Variants in PCDHA13 observed in about 807,000 individuals in gnomAD.
PCDHA13 encodes protocadherin alpha-13.
A neutral mutation model predicts 64.8 loss-of-function variants in PCDHA13; 54 were observed. That is an observed-to-expected ratio of 0.83 (90% CI 0.67 to 1.04). The LOEUF (loss-of-function observed/expected upper bound fraction) is 1.04. Among genes scored for constraint, PCDHA13 ranks in the 50% least tolerant of loss-of-function variants. The pLI is 0.00. For missense variants in PCDHA13, 1,248 were observed against 1,254.3 expected (o/e 0.99, Z 0.08); for synonymous variants, 587 against 564.4 (o/e 1.04, Z -0.57).
At chr5:140,969,363 C>G (rs367871893) in intron 1 of PCDHA13, 4 of 1,610,614 alleles carry the variant, frequency 2.5e-6, no homozygotes, top group East Asian at 4.5e-5. Flanking sequence ...CTTCTACAAA[C>G]TCATGCATTT....
rs113297104 is a variant in PCDHA13 at position 140,984,945 on chromosome 5, CT to C, written c.2542+2392del. On this transcript the variant is annotated intron_variant, in intron 3 of 3. Transcript: ENST00000289272. The stretch of plus-strand genomic sequence containing the variant: ...GACATATAGTTAATAAATGTCTAAT[CT>C]TTTTTTTTTGAGACAGAGTCTCGCT... Among the ~76,000 whole-genome samples the C allele has an allele frequency of 9.4e-3, 1,407 of 149,276 alleles. 15 individuals are homozygous for C. Among genetic ancestry groups the C allele is most frequent in the East Asian group, 0.044 (226 of 5,092 alleles).
intron 1 of PCDHA13, among the ~76,000 whole-genome samples, chr5:140,914,220 C>A (rs1210445622): frequency 6.6e-6 from 1 of 152,212 alleles, no homozygotes; most frequent in South Asian, 2.1e-4. Flanking sequence ...TCTCTTTTAG[C>A]TCTAATACTA....
At chr5:140,968,946 GCAT>G in intron 1 of PCDHA13, 4 of 1,614,172 alleles carry the variant, frequency 2.5e-6, no homozygotes, top group Non-Finnish European at 3.4e-6. Flanking sequence ...ATCATTTTGA[GCAT>G]CATCAAGTGC....
At chr5:140,929,183 C>G (rs148631412) in intron 1 of PCDHA13, 1 of 1,614,144 alleles carries the variant, frequency 6.2e-7, no homozygotes, top group East Asian at 2.2e-5. Flanking sequence ...GGACTTGGTT[C>G]TGATAATAAC....
At chr5:140,952,410 T>C (rs2094741343) in intron 1 of PCDHA13, among the ~76,000 whole-genome samples, 1 of 151,978 alleles carries the variant, frequency 6.6e-6, no homozygotes, top group Non-Finnish European at 1.5e-5. Flanking sequence ...TCAAATTTAA[T>C]GTTCCGCAGA....
chr5:140,966,543 A>G lies in PCDHA13; in HGVS notation c.2395-12406A>G, dbSNP rs200134570. 641 of 461,190 alleles carry G rather than the reference A, an allele frequency of 1.4e-3. 4 individuals carry two copies. The highest frequency in any genetic ancestry group is 0.011 in the African/African-American group (555 of 49,108). The allele number at this position is 461,190 out of a possible 1,614,324, so 28.6% of individuals were successfully genotyped here. ...AGCCGAGCCGGGTTGAGCGACTCGGAGGCGAGCGGAGGAGCTGGAATATGG... is the reference window on the plus strand; with the variant it reads ...AGCCGAGCCGGGTTGAGCGACTCGGGGGCGAGCGGAGGAGCTGGAATATGG... On this transcript the variant is annotated intron_variant, in intron 1 of 3. Coordinates refer to ENST00000289272, the MANE Select transcript of PCDHA13 (RefSeq NM_018904.3).
chr5:140,929,101 A>G (rs1554206680), intron 1 of PCDHA13: 3 of 1,614,242 alleles, frequency 1.9e-6, no homozygotes, highest in Admixed American at 1.7e-5. Flanking sequence ...AAATCCTTGC[A>G]TGACATCAGC....
Position 141,009,722 on chromosome 5 carries a change from G to T in PCDHA13, c.2638G>T (p.Gly880Cys), listed in dbSNP as rs552954748. 6.8e-6 allele frequency: 11 copies of T among 1,614,022 alleles called. No individual in the cohort carries two copies. The highest frequency in any genetic ancestry group is 9.3e-6 in the Non-Finnish European group (11 of 1,180,046). Residue 880 changes from glycine (G) to cysteine (C), a missense_variant, in exon 4 of 4, where the codon GGT becomes TGT. Gly to Cys is a radical substitution (Grantham distance 159). Transcript: ENST00000289272. ...CGGACCAGGCAACCCCAAACAATCC[G>T]GTCCCGGTGAGTTGCCCGACAAATT... ...KYGPGNPKQS[G>C]PGELPDKFII...
At chr5:140,962,280 A>C (rs1244354033) in intron 1 of PCDHA13, among the ~76,000 whole-genome samples, 1 of 152,224 alleles carries the variant, frequency 6.6e-6, no homozygotes, top group Non-Finnish European at 1.5e-5. Flanking sequence ...AAAAAACCTC[A>C]ACCTTTAATA....
chr5:141,001,286 A>G (rs1375093882), intron 3 of PCDHA13, among the ~76,000 whole-genome samples: 1 of 152,160 alleles, frequency 6.6e-6, no homozygotes, highest in Non-Finnish European at 1.5e-5. Context: ...TACGGATGAA[A>G]ACTGAGGCCC....
intron 1 of PCDHA13, among the ~76,000 whole-genome samples, chr5:140,939,281 G>A (rs1554212652): frequency 6.6e-6 from 1 of 152,014 alleles, no homozygotes; most frequent in African/African-American, 2.4e-5. Context: ...CTGTGCCCTC[G>A]TGATCTAATC....
At chr5:140,918,309 T>C (rs2078629927) in intron 1 of PCDHA13, among the ~76,000 whole-genome samples, 1 of 152,186 alleles carries the variant, frequency 6.6e-6, no homozygotes, top group Non-Finnish European at 1.5e-5. Context: ...TAGGGTTTTC[T>C]AGGTATAAAA....
intron 3 of PCDHA13, among the ~76,000 whole-genome samples, chr5:140,995,133 T>C (rs1397108502): frequency 6.6e-6 from 1 of 152,230 alleles, no homozygotes; most frequent in Non-Finnish European, 1.5e-5. Flanking sequence ...TGAAACCTCA[T>C]TTAGTACTGA....
At chr5:140,926,165 T>A (rs570168495) in intron 1 of PCDHA13, among the ~76,000 whole-genome samples, 31 of 151,794 alleles carry the variant, frequency 2.0e-4, no homozygotes, top group Admixed American at 1.5e-3. Flanking sequence ...TGCAGCAGGA[T>A]CCAGCGCGGA....
chr5:140,882,898 A>T lies in PCDHA13; in HGVS notation c.630A>T (p.Leu210Phe), dbSNP rs781828373. 6 of 1,614,100 alleles carry T rather than the reference A, an allele frequency of 3.7e-6. No individual in the cohort carries two copies. In the Admixed American group the frequency reaches 5.0e-5, roughly 13 times the overall value. The change falls in exon 1 of 4, where the codon TTA becomes TTT. Residue 210 changes from leucine (L) to phenylalanine (F), a missense_variant. Coordinates refer to ENST00000289272, the MANE Select transcript of PCDHA13 (RefSeq NM_018904.3). Reference protein sequence around the residue: ...LDREEIQEHSLLLTASDGGKP... With the variant: ...LDREEIQEHSFLLTASDGGKP... ...GAGAGGAAATTCAGGAACATAGTTT[A>T]TTACTGACAGCCAGTGATGGAGGTA...
chr5:140,978,703 G>C (rs556167285), intron 1 of PCDHA13, among the ~76,000 whole-genome samples: 1 of 152,328 alleles, frequency 6.6e-6, no homozygotes, highest in East Asian at 1.9e-4. Context: ...AGCCAAAGGT[G>C]GCCTTTACAA....
intron 1 of PCDHA13, among the ~76,000 whole-genome samples, chr5:140,964,683 G>T (rs2095848322): frequency 6.6e-6 from 1 of 151,914 alleles, no homozygotes; most frequent in South Asian, 2.1e-4. Flanking sequence ...CACAATTTGT[G>T]CACTTGAGAG....
At chr5:140,967,198 C>T (rs2096112626) in intron 1 of PCDHA13, 9 of 1,613,662 alleles carry the variant, frequency 5.6e-6, no homozygotes, top group South Asian at 1.1e-5. Flanking sequence ...TCAACGACAA[C>T]TCACCGCGTT....
chr5:140,938,026 A>T (rs2091889452), intron 1 of PCDHA13, among the ~76,000 whole-genome samples: 1 of 152,144 alleles, frequency 6.6e-6, no homozygotes, highest in Non-Finnish European at 1.5e-5. Context: ...GTAAAATCTC[A>T]TATTTTTATA....
Sources: allele counts gnomAD v4.1 joint callset (sites outside exome capture counted in the v4.1 genomes callset), GRCh38; gene constraint gnomAD v4.1.1; transcripts MANE v1.5; gene names NCBI Gene and HGNC (gene_info 2026-07-23, HGNC 2026-07-21).